SUMF1: variants seen among roughly 807,000 people sequenced by gnomAD.
SUMF1 encodes the protein formylglycine-generating enzyme.
A neutral mutation model predicts 47.6 loss-of-function variants in SUMF1; 48 were observed. The ratio of observed to expected loss-of-function variants is 1.01; its 90% CI spans 0.80 to 1.28. SUMF1 has a LOEUF of 1.28. SUMF1 is among the 50% of genes most tolerant of loss of function. The pLI is 0.00. For synonymous variants in SUMF1, 230 were observed against 192.1 expected, an observed-to-expected ratio of 1.20 and a Z score of -1.63; for missense variants, 571 against 485.4, an observed-to-expected ratio of 1.18 and a Z score of -1.66.
At chr3:4,085,410 T>C (rs909812632) in intron 8 of SUMF1, among the ~76,000 whole-genome samples, 3 of 151,978 alleles carry the variant, frequency 2.0e-5, no homozygotes, top group Admixed American at 2.0e-4. Flanking sequence ...GGTTGAGAGC[T>C]TCCACCAGTG....
At chr3:4,296,712 G>C (rs2125060268) in intron 8 of SUMF1, among the ~76,000 whole-genome samples, 1 of 152,226 alleles carries the variant, frequency 6.6e-6, no homozygotes, top group Non-Finnish European at 1.5e-5. Flanking sequence ...ATGAGATTTG[G>C]ATGGGAACAC....
At chr3:4,241,727 TACC>T (rs1696541453) in intron 8 of SUMF1, among the ~76,000 whole-genome samples, 1 of 152,178 alleles carries the variant, frequency 6.6e-6, no homozygotes, top group Non-Finnish European at 1.5e-5. Context: ...AGGAAACAGA[TACC>T]ACGAGAAGTG....
chr3:4,068,389 T>C (rs1257091977), intron 9 of SUMF1, among the ~76,000 whole-genome samples: 1 of 152,176 alleles, frequency 6.6e-6, no homozygotes, highest in South Asian at 2.1e-4. Context: ...ATTTACATTT[T>C]AAATTTGAGC....
Position 4,410,957 on chromosome 3 carries a change from C to T in SUMF1, c.862G>A (p.Gly288Ser). ...TAPVDAFPPN[G>S]YGLYNIVGNA... ...CCCACTATGTTGTATAAGCCATAAC[C>T]ATTGGGAGGGAAGGCATCAACCTAA... Residue 288 changes from glycine to serine, a missense_variant, in exon 7 of 9, where the codon GGT becomes AGT. Coordinates refer to ENST00000272902, the MANE Select transcript of SUMF1 (RefSeq NM_182760.4). The T allele has an allele frequency of 6.2e-7, 1 of 1,614,044 alleles. No individual in the cohort carries two copies. The highest frequency in any genetic ancestry group is 8.5e-7 in the Non-Finnish European group (1 of 1,179,920).
chr3:4,430,465 G>C (rs1173735114), intron 3 of SUMF1, among the ~76,000 whole-genome samples: 1 of 152,044 alleles, frequency 6.6e-6, no homozygotes, highest in Non-Finnish European at 1.5e-5. Context: ...AGTAAAATTA[G>C]TATACTATGA....
chr3:4,099,937 G>A (rs1282424116), intron 8 of SUMF1, among the ~76,000 whole-genome samples: 2 of 151,734 alleles, frequency 1.3e-5, no homozygotes, highest in Admixed American at 6.6e-5. Flanking sequence ...AAACACAGAT[G>A]AAAGAAATAG....
At chr3:4,425,982 C>T (rs936291331) in intron 3 of SUMF1, among the ~76,000 whole-genome samples, 1 of 152,174 alleles carries the variant, frequency 6.6e-6, no homozygotes, top group Non-Finnish European at 1.5e-5. Flanking sequence ...TGAGACTTCA[C>T]TCTCACAAGA....
intron 9 of SUMF1, among the ~76,000 whole-genome samples, chr3:4,057,745 A>T (rs543660490): frequency 2.0e-4 from 31 of 152,172 alleles, no homozygotes; most frequent in Non-Finnish European, 3.4e-4. Context: ...ATAAAGGTGG[A>T]AAGTTGCAGG....
Position 4,270,172 on chromosome 3 carries a change from A to T in SUMF1, c.1014+106158T>A, listed in dbSNP as rs78293613. On this transcript the variant is annotated intron_variant and NMD_transcript_variant, in intron 8 of 12. Coordinates refer to the SUMF1 transcript ENST00000448413. ...GACTATCAGGGAAACTAAATTGATG[A>T]TACACTGATGCTGAGTCAATGACCT... is the stretch of plus-strand genomic sequence containing the variant. Among the ~76,000 whole-genome samples the T allele has an allele frequency of 3.0e-4, 46 of 152,274 alleles. 1 individual carries two copies. The East Asian group carries it at 8.7e-3, about 29-fold the overall frequency.
chr3:4,386,230 G>A (rs1474797650), intron 7 of SUMF1, among the ~76,000 whole-genome samples: 1 of 152,106 alleles, frequency 6.6e-6, no homozygotes, highest in Non-Finnish European at 1.5e-5. Flanking sequence ...ATCTCTACTA[G>A]GCTGAATTTT....
At chr3:4,063,752 T>C (rs1273131035) in intron 9 of SUMF1, among the ~76,000 whole-genome samples, 1 of 152,174 alleles carries the variant, frequency 6.6e-6, no homozygotes, top group Admixed American at 6.5e-5. Flanking sequence ...TTTTTACATG[T>C]ATTATATTAC....
In SUMF1 at chr3:4,325,525, A is replaced by ATG. The variant is rs200646876; in HGVS notation, c.1014+50803_1014+50804dup. Among the ~76,000 whole-genome samples the ATG allele has an allele frequency of 5.8e-4, 87 of 150,754 alleles. 1 individual carries two copies. The highest frequency in any genetic ancestry group is 1.4e-3 in the African/African-American group (57 of 41,108). The stretch of plus-strand genomic sequence containing the variant: ...GCAGGCACGAAGGTGGCATATATGT[A>ATG]TGTGTGTGTGTGTGTATATATGTGT... On this transcript the variant is annotated intron_variant and NMD_transcript_variant, in intron 8 of 12. Transcript: ENST00000448413.
chr3:4,036,315 C>T (rs1186043971), intron 9 of SUMF1, among the ~76,000 whole-genome samples: 1 of 152,146 alleles, frequency 6.6e-6, no homozygotes, highest in African/African-American at 2.4e-5. Context: ...TCATTTAGAG[C>T]TCCTATAAAC....
At chr3:4,449,236 A>T (rs1559307228) in intron 3 of SUMF1, 30 bp downstream of exon 3, 1 of 1,613,064 alleles carries the variant, frequency 6.2e-7, no homozygotes, top group Non-Finnish European at 8.5e-7. Context: ...GCCTTAGAGA[A>T]ATACAGGAGC....
intron 8 of SUMF1, among the ~76,000 whole-genome samples, chr3:4,175,302 C>T (rs1308393295): frequency 6.6e-6 from 1 of 152,072 alleles, no homozygotes; most frequent in Non-Finnish European, 1.5e-5. Context: ...TCACCTCATA[C>T]AGCCAGCTGC....
intron 8 of SUMF1, among the ~76,000 whole-genome samples, chr3:4,355,293 G>A (rs1025934379): frequency 1.3e-5 from 2 of 152,234 alleles, no homozygotes; most frequent in African/African-American, 2.4e-5. Context: ...GGAGGTAGAG[G>A]CTGTAGTGAG....
intron 8 of SUMF1, among the ~76,000 whole-genome samples, chr3:4,111,739 A>C (rs1420553048): frequency 8.5e-5 from 13 of 152,104 alleles, no homozygotes; most frequent in African/African-American, 3.1e-4. Flanking sequence ...CACCGTCTAA[A>C]AAAAACCCAA....
chr3:4,313,149 T>C (rs1698484484), intron 8 of SUMF1: 21 of 1,613,966 alleles, frequency 1.3e-5, no homozygotes, highest in Non-Finnish European at 1.7e-5. Context: ...TCCAGAAAGG[T>C]CTACAGTTCC....
At chr3:4,298,331 A>T (rs1159253142) in intron 8 of SUMF1, among the ~76,000 whole-genome samples, 1 of 152,214 alleles carries the variant, frequency 6.6e-6, no homozygotes, top group Non-Finnish European at 1.5e-5. Flanking sequence ...GGCATTCTGA[A>T]GATTGGTTAT....
Sources: allele counts gnomAD v4.1 joint callset (sites outside exome capture counted in the v4.1 genomes callset), GRCh38; gene constraint gnomAD v4.1.1; transcripts MANE v1.5; gene names NCBI Gene and HGNC (gene_info 2026-07-23, HGNC 2026-07-21).